Variants in ADAMTSL1 observed in about 807,000 individuals in gnomAD.
ADAMTSL1 encodes ADAMTS like 1, also known as ADAMTS-like protein 1.
In ADAMTSL1, 126 loss-of-function variants were observed where a neutral mutation model predicts 201.8. That is an observed-to-expected ratio of 0.62 (90% CI 0.54 to 0.72). ADAMTSL1 has a LOEUF of 0.72. ADAMTSL1 is among the 30% of genes least tolerant of loss of function. ADAMTSL1 has a pLI of 0.00. For missense variants in ADAMTSL1, 2,679 were observed against 2,277.8 expected, an observed-to-expected ratio of 1.18 and a Z score of -3.59; for synonymous variants, 1,121 against 903.4, an observed-to-expected ratio of 1.24 and a Z score of -4.32.
intron 5 of ADAMTSL1, among the ~76,000 whole-genome samples, chr9:18,634,329 C>T (rs959809985): frequency 1.3e-5 from 2 of 150,932 alleles, no homozygotes; most frequent in African/African-American, 4.9e-5. Context: ...TTTGGGAGGC[C>T]GAGGCAGGTG....
chr9:18,604,409 A>G (rs1420305303), intron 4 of ADAMTSL1, among the ~76,000 whole-genome samples: 1 of 152,212 alleles, frequency 6.6e-6, no homozygotes, highest in Non-Finnish European at 1.5e-5. Context: ...TTCACTTTCT[A>G]TGCTCCCCAT....
intron 3 of ADAMTSL1, among the ~76,000 whole-genome samples, chr9:18,554,520 C>T (rs117958518): frequency 6.6e-6 from 1 of 151,700 alleles, no homozygotes; most frequent in Admixed American, 6.6e-5. Flanking sequence ...TTTACATTCC[C>T]AAATGTCCGC....
chr9:18,641,766 CAGAG>C (rs1827455180), intron 7 of ADAMTSL1, among the ~76,000 whole-genome samples: 1 of 152,016 alleles, frequency 6.6e-6, no homozygotes, highest in South Asian at 2.1e-4. Flanking sequence ...TAATTTTCCT[CAGAG>C]AAATAGCTGA....
chr9:18,781,240 C>T (rs72690548), intron 19 of ADAMTSL1, among the ~76,000 whole-genome samples: 7,242 of 152,112 alleles, frequency 0.048, 257 homozygotes, highest in South Asian at 0.074. Flanking sequence ...TCCAGGACAT[C>T]GTTGTGGGGG....
At chr9:18,407,001 C>G (rs904560365) in intron 2 of ADAMTSL1, among the ~76,000 whole-genome samples, 2 of 152,192 alleles carry the variant, frequency 1.3e-5, no homozygotes, top group African/African-American at 4.8e-5. Flanking sequence ...ATCCAACAAA[C>G]ATTTATTGAG....
In ADAMTSL1 at chr9:18,061,383, A is replaced by G. The variant is rs142005596; in HGVS notation, c.88-102479A>G. Among the ~76,000 whole-genome samples, 5 of 152,270 alleles carry G rather than the reference A, an allele frequency of 3.3e-5. No individual in the cohort carries two copies. The East Asian group carries it at 7.7e-4, about 23-fold the overall frequency. ...ACTCATGTAGTATTTCTTTGCTTCT[A>G]CCACAAACCATAGTAGCCTCAGTTT... On this transcript the variant is annotated intron_variant, in intron 1 of 29. Transcript: ENST00000680146.
chr9:18,387,512 A>G (rs1837852715), intron 2 of ADAMTSL1, among the ~76,000 whole-genome samples: 1 of 152,152 alleles, frequency 6.6e-6, no homozygotes, highest in Admixed American at 6.6e-5. Context: ...GCATCTATAA[A>G]TCATATATAG....
At chr9:17,934,567 A>T (rs1588440016) in intron 1 of ADAMTSL1, among the ~76,000 whole-genome samples, 1 of 152,180 alleles carries the variant, frequency 6.6e-6, no homozygotes, top group African/African-American at 2.4e-5. Flanking sequence ...CTCAACAATG[A>T]TACCAAATTT....
chr9:17,922,431 T>C (rs999696698), intron 1 of ADAMTSL1, among the ~76,000 whole-genome samples: 4 of 152,180 alleles, frequency 2.6e-5, no homozygotes, highest in Non-Finnish European at 5.9e-5. Context: ...CTGAGAAGTT[T>C]TTCATTGCAG....
intron 1 of ADAMTSL1, among the ~76,000 whole-genome samples, chr9:17,970,146 C>T (rs553688520): frequency 3.9e-5 from 6 of 152,076 alleles, no homozygotes; most frequent in Middle Eastern, 3.4e-3. Context: ...TCCCCTAGTT[C>T]CCATTCTAGA....
At chr9:18,262,902 A>G (rs1831979418) in intron 2 of ADAMTSL1, among the ~76,000 whole-genome samples, 1 of 152,196 alleles carries the variant, frequency 6.6e-6, no homozygotes, top group African/African-American at 2.4e-5. Flanking sequence ...ACTAGTTGAG[A>G]GCAAAACTTG....
In ADAMTSL1 at chr9:18,251,724, A is replaced by G. The variant is rs531832167; in HGVS notation, c.207+87743A>G. ...TTACAAATTGTTATCAGTTGTTTCT[A>G]TAACCCTACTACAAACCAAACAGGA... On this transcript the variant is annotated intron_variant, in intron 2 of 29. Coordinates refer to the ADAMTSL1 transcript ENST00000680146. 3.3e-5 allele frequency among the ~76,000 whole-genome samples: 5 copies of G among 152,310 alleles called. No homozygotes were observed. In the East Asian group the frequency reaches 7.7e-4, roughly 24 times the overall value.
At chr9:18,859,298 C>G (rs1046467410) in intron 23 of ADAMTSL1, among the ~76,000 whole-genome samples, 3 of 152,180 alleles carry the variant, frequency 2.0e-5, no homozygotes, top group African/African-American at 7.2e-5. Context: ...TGGCTGTGGC[C>G]CTTCTCCCAT....
intron 2 of ADAMTSL1, among the ~76,000 whole-genome samples, chr9:18,197,203 C>A (rs960713812): frequency 6.6e-5 from 10 of 151,958 alleles, no homozygotes; most frequent in African/African-American, 2.4e-4. Context: ...TAGTTTTTTC[C>A]AATTCTGTGA....
intron 4 of ADAMTSL1, among the ~76,000 whole-genome samples, chr9:18,602,207 G>T (rs938157807): frequency 6.6e-6 from 1 of 152,162 alleles, no homozygotes; most frequent in African/African-American, 2.4e-5. Flanking sequence ...ATGCTTTGGT[G>T]GATGTATTTG....
At position 18,906,868 on chromosome 9, in the gene ADAMTSL1, G is replaced by A. The variant is rs371054227; in HGVS notation, c.5138G>A (p.Arg1713Gln). 43 of 1,613,832 alleles carry A rather than the reference G, an allele frequency of 2.7e-5. No individual in the cohort carries two copies. The highest frequency in any genetic ancestry group is 1.0e-4 in the Admixed American group (6 of 60,000). The change falls in exon 28 of 29, where the codon CGG becomes CAG. Residue 1713 changes from arginine (R) to glutamine (Q), a missense_variant. Transcript: ENST00000380548. ...GAGCACCTGTGCTCCTGGGGGCCCCGGCCTGCCAACTGGCAGCGCTGCAAC... is the reference window on the plus strand; with the variant it reads ...GAGCACCTGTGCTCCTGGGGGCCCCAGCCTGCCAACTGGCAGCGCTGCAAC... ...VPEHLCSWGP[R>Q]PANWQRCNIT...
intron 7 of ADAMTSL1, among the ~76,000 whole-genome samples, chr9:18,655,625 A>G (rs888354845): frequency 9.9e-5 from 15 of 152,144 alleles, no homozygotes; most frequent in Admixed American, 9.2e-4. Context: ...ATCTGCAAAA[A>G]CAAACAAAAA....
At chr9:18,707,886 G>C (rs774174933) in intron 14 of ADAMTSL1, among the ~76,000 whole-genome samples, 1 of 152,192 alleles carries the variant, frequency 6.6e-6, no homozygotes, top group Non-Finnish European at 1.5e-5. Flanking sequence ...GCAGAGGAAG[G>C]CATTGAAATC....
At chr9:18,320,803 G>A (rs969218318) in intron 2 of ADAMTSL1, among the ~76,000 whole-genome samples, 1 of 152,092 alleles carries the variant, frequency 6.6e-6, no homozygotes, top group Non-Finnish European at 1.5e-5. Context: ...TGACAAGGGT[G>A]TGTATGTGTG....
Sources: allele counts gnomAD v4.1 joint callset (sites outside exome capture counted in the v4.1 genomes callset), GRCh38; gene constraint gnomAD v4.1.1; transcripts MANE v1.5; gene names NCBI Gene and HGNC (gene_info 2026-07-23, HGNC 2026-07-21).